SNTB1: variants seen among roughly 807,000 people sequenced by gnomAD.
The protein encoded by SNTB1 is beta-1-syntrophin.
Under a neutral mutation model 48.9 loss-of-function variants are expected in SNTB1, and 36 were observed. The ratio of observed to expected loss-of-function variants is 0.74; its 90% CI spans 0.56 to 0.97. SNTB1 has a LOEUF of 0.97. SNTB1 is among the 50% of genes least tolerant of loss of function. The pLI is 0.00. For missense variants in SNTB1, 786 were observed against 703.4 expected (o/e 1.12, Z -1.33); for synonymous variants, 299 against 294.6 (o/e 1.01, Z -0.15).
chr8:120,639,479 C>T (rs940672410), intron 2 of SNTB1, among the ~76,000 whole-genome samples: 2 of 152,112 alleles, frequency 1.3e-5, no homozygotes, highest in Admixed American at 6.6e-5. Context: ...ATGCTATTGC[C>T]TAGGTTTTCT....
intron 1 of SNTB1, among the ~76,000 whole-genome samples, chr8:120,710,626 G>A (rs1407844189): frequency 6.6e-6 from 1 of 152,152 alleles, no homozygotes; most frequent in East Asian, 1.9e-4. Context: ...CAAAGGGCAG[G>A]AGGGAACTAG....
intron 2 of SNTB1, among the ~76,000 whole-genome samples, chr8:120,677,984 C>T (rs1817866070): frequency 6.6e-6 from 1 of 151,988 alleles, no homozygotes; most frequent in Non-Finnish European, 1.5e-5. Flanking sequence ...TTCCGATTGT[C>T]TGAATGTTTA....
chr8:120,797,249 A>C (rs1438690516), intron 1 of SNTB1, among the ~76,000 whole-genome samples: 1 of 152,084 alleles, frequency 6.6e-6, no homozygotes, highest in East Asian at 1.9e-4. Context: ...TTCTAACAAA[A>C]TGAGAAATAC....
intron 1 of SNTB1, among the ~76,000 whole-genome samples, chr8:120,791,726 T>C (rs547613087): frequency 5.9e-4 from 89 of 151,942 alleles, no homozygotes; most frequent in African/African-American, 2.0e-3. Flanking sequence ...ATCAGGGAAA[T>C]GCGAATTAAA....
intron 1 of SNTB1, among the ~76,000 whole-genome samples, chr8:120,698,374 C>T (rs537108944): frequency 8.5e-5 from 13 of 152,206 alleles, no homozygotes; most frequent in African/African-American, 2.4e-4. Flanking sequence ...AAAAGACTAT[C>T]GTCACTGTCC....
intron 1 of SNTB1, among the ~76,000 whole-genome samples, chr8:120,746,678 T>C (rs546669197): frequency 1.3e-5 from 2 of 152,222 alleles, no homozygotes; most frequent in Non-Finnish European, 2.9e-5. Flanking sequence ...AACTGTGCCG[T>C]TTACTATGAT....
intron 1 of SNTB1, among the ~76,000 whole-genome samples, chr8:120,801,161 A>T (rs954789353): frequency 6.6e-5 from 10 of 152,082 alleles, no homozygotes; most frequent in African/African-American, 2.4e-4. Context: ...ATTACAAGCA[A>T]GCAAGAAAAT....
Position 120,661,195 on chromosome 8 carries a change from T to TAA in SNTB1, c.789-28546_789-28545dup, listed in dbSNP as rs34319576. On this transcript the variant is annotated intron_variant, in intron 2 of 6. Coordinates refer to ENST00000517992, the MANE Select transcript of SNTB1 (RefSeq NM_021021.4). Reference sequence around the variant, plus strand: ...GGGTTGTCACAAACCTTCAATTTGTTAAAAAAAAAAAAGAGTATGTGCAAA... The same window carrying TAA: ...GGGTTGTCACAAACCTTCAATTTGTTAAAAAAAAAAAAAAGAGTATGTGCAAA... Among the ~76,000 whole-genome samples the TAA allele has an allele frequency of 6.9e-5, 10 of 144,030 alleles. No homozygotes were observed. In the East Asian group the frequency reaches 1.4e-3, roughly 20 times the overall value. The allele number at this position is 144,030 out of a possible 152,430, so 94.5% of individuals were successfully genotyped here.
intron 1 of SNTB1, among the ~76,000 whole-genome samples, chr8:120,789,146 G>A (rs1263943897): frequency 6.6e-6 from 1 of 151,942 alleles, no homozygotes; most frequent in African/African-American, 2.4e-5. Context: ...AATGATTTTT[G>A]TTTTAACAAC....
At chr8:120,579,540 T>C (rs1816009661) in intron 3 of SNTB1, among the ~76,000 whole-genome samples, 1 of 152,132 alleles carries the variant, frequency 6.6e-6, no homozygotes, top group African/African-American at 2.4e-5. Context: ...TAGCTGGGCA[T>C]GGTGGTGCAT....
At chr8:120,685,335 C>A (rs1304347863) in intron 2 of SNTB1, among the ~76,000 whole-genome samples, 1 of 152,246 alleles carries the variant, frequency 6.6e-6, no homozygotes, top group East Asian at 1.9e-4. Flanking sequence ...CAAGGCCCCA[C>A]ACGGCGTCCT....
intron 1 of SNTB1, among the ~76,000 whole-genome samples, chr8:120,779,072 G>A (rs937182334): frequency 6.6e-6 from 1 of 152,126 alleles, no homozygotes; most frequent in Non-Finnish European, 1.5e-5. Context: ...AAAGAGCAGT[G>A]GGCACAGATG....
intron 2 of SNTB1, among the ~76,000 whole-genome samples, chr8:120,643,360 T>G (rs1434512941): frequency 6.6e-6 from 1 of 152,214 alleles, no homozygotes; most frequent in East Asian, 1.9e-4. Context: ...GAGATTTTGG[T>G]GTACCCATCA....
At chr8:120,754,730 G>T (rs1439670586) in intron 1 of SNTB1, among the ~76,000 whole-genome samples, 1 of 152,154 alleles carries the variant, frequency 6.6e-6, no homozygotes, top group African/African-American at 2.4e-5. Flanking sequence ...TGGTTTGAAG[G>T]CCAGTCCTTC....
chr8:120,634,149 G>GA (rs988386647), intron 2 of SNTB1, among the ~76,000 whole-genome samples: 3 of 150,980 alleles, frequency 2.0e-5, no homozygotes, highest in Non-Finnish European at 4.4e-5. Context: ...ATTGCATAAA[G>GA]AAAAAAAACC....
intron 3 of SNTB1, among the ~76,000 whole-genome samples, chr8:120,591,772 C>T (rs559082041): frequency 6.6e-6 from 1 of 152,310 alleles, no homozygotes; most frequent in East Asian, 1.9e-4. Flanking sequence ...AAACTCAGTT[C>T]TCCTCTTTTC....
chr8:120,716,650 C>T (rs976975021), intron 1 of SNTB1, among the ~76,000 whole-genome samples: 5 of 152,128 alleles, frequency 3.3e-5, no homozygotes, highest in Non-Finnish European at 5.9e-5. Context: ...GCAGTGAGTT[C>T]CCTCTCCTTG....
Position 120,538,934 on chromosome 8 carries a change from A to G in SNTB1, c.1560T>C (p.Val520=). The G allele has an allele frequency of 1.2e-6, 2 of 1,613,796 alleles. No individual in the cohort carries two copies. Among genetic ancestry groups the G allele is most frequent in the South Asian group, 2.2e-5 (2 of 91,026 alleles). ...CTGACAGGAAGGAATGAATGATGAA[A>G]ACAATTGGCTTGGGGCAGGAATGAA... ...LDLHSCPKPI[V]FIIHSFLSAK... The change falls in exon 7 of 7, where the codon GTT becomes GTC. Residue 520 remains valine, a synonymous_variant. Transcript: ENST00000517992.
rs141740285 is a variant in SNTB1, at chr8:120,548,938, C to T, written c.1157G>A (p.Gly386Glu). 9.4e-6 allele frequency: 15 copies of T among 1,592,724 alleles called. No homozygotes were observed. The Admixed American group carries it at 1.6e-4, about 17-fold the overall frequency. ...CACACCAGCCTGGGGTGATCCCTTT[C>T]CTGGACCTGAATGGACCAGCCTGGA... ...LATRLVHSGP[G>E]KGSPQAGVDL... is the part of the protein sequence containing the mutation. The change falls in exon 5 of 7, where the codon GGA becomes GAA. Residue 386 changes from glycine (G) to glutamate (E), a missense_variant. By Grantham distance (98) the Gly-to-Glu change is moderately conservative. Transcript: ENST00000517992.
Sources: allele counts gnomAD v4.1 joint callset (sites outside exome capture counted in the v4.1 genomes callset), GRCh38; gene constraint gnomAD v4.1.1; transcripts MANE v1.5; gene names NCBI Gene and HGNC (gene_info 2026-07-23, HGNC 2026-07-21).